Variants in TMEM120A observed in about 807,000 individuals in gnomAD.
The protein encoded by TMEM120A is transmembrane protein 120A.
TMEM120A carries 45 observed loss-of-function variants against 54.3 expected under a neutral mutation model. The ratio of observed to expected loss-of-function variants is 0.83; its 90% CI spans 0.65 to 1.06. TMEM120A has a LOEUF of 1.06. Among genes scored for constraint, TMEM120A ranks in the 50% least tolerant of loss-of-function variants. TMEM120A has a pLI of 0.00. For missense variants in TMEM120A, 424 were observed against 441.7 expected (o/e 0.96, Z 0.36); for synonymous variants, 204 against 178.5 (o/e 1.14, Z -1.14).
rs782036392 is a variant in TMEM120A at position 75,992,282 on chromosome 7, G to A, written c.201-22C>T. ...GCATCTGCGGGTAAGGCCAGAAACA[G>A]TCAGGGCAAGAGGACTCCCAAGTGT... On this transcript the variant is annotated intron_variant, in intron 2 of 11. Transcript: ENST00000493111. The A allele has an allele frequency of 3.1e-5, 49 of 1,591,700 alleles. No individual in the cohort carries two copies. In the East Asian group the frequency reaches 6.7e-4, roughly 22 times the overall value.
At position 75,990,498 on chromosome 7, in the gene TMEM120A, C is replaced by T. The variant is rs1789798422; in HGVS notation, c.318-1274G>A. ...CGAGTCTTCCCAGAGGCAAAGTAACCCCACAAACAGGCAGTAGCTGCCCCT... is the reference window on the plus strand; with the variant it reads ...CGAGTCTTCCCAGAGGCAAAGTAACTCCACAAACAGGCAGTAGCTGCCCCT... On this transcript the variant is annotated intron_variant, in intron 3 of 11. Transcript: ENST00000493111. Among the ~76,000 whole-genome samples the T allele has an allele frequency of 4.6e-5, 7 of 152,222 alleles. No individual in the cohort carries two copies. The South Asian group carries it at 1.5e-3, about 32-fold the overall frequency.
At chr7:75,991,493 C>T (rs782798866) in intron 3 of TMEM120A, among the ~76,000 whole-genome samples, 4 of 152,174 alleles carry the variant, frequency 2.6e-5, no homozygotes, top group Non-Finnish European at 5.9e-5. Context: ...GCAGCCTCCG[C>T]CTCCCGGGTT....
chr7:75,990,825 G>A (rs913825914), intron 3 of TMEM120A, among the ~76,000 whole-genome samples: 4 of 150,406 alleles, frequency 2.7e-5, no homozygotes, highest in African/African-American at 9.8e-5. Context: ...CTTGAACCAC[G>A]GAGACAGAGG....
chr7:75,989,033 G>GT, intron 4 of TMEM120A, 132 bp downstream of exon 4: 1 of 129,750 alleles, frequency 7.7e-6, no homozygotes, highest in Non-Finnish European at 1.9e-5. Flanking sequence ...GGAAGGCCGG[G>GT]TTGGGGGGTG....
chr7:75,989,191 G>C lies in TMEM120A; in HGVS notation c.351C>G (p.Asn117Lys). The C allele has an allele frequency of 6.4e-7, 1 of 1,563,526 alleles. No individual in the cohort carries two copies. Among genetic ancestry groups the C allele is most frequent in the Non-Finnish European group, 8.7e-7 (1 of 1,155,514 alleles). The change falls in exon 4 of 12, where the codon AAC (asparagine) becomes AAG (lysine). Residue 117 changes from asparagine to lysine, a missense_variant. Physicochemically the swap from Asn to Lys is moderately conservative, Grantham distance 94. Transcript: ENST00000493111. ...TAGCCTGCTTGCTCAGGAGCGTGAC[G>C]TTGACGTTCCCCAGAACCAGGCTCA... Reference protein sequence around the residue: ...LYLSLVLGNVNVTLLSKQAKF... With the variant: ...LYLSLVLGNVKVTLLSKQAKF...
Position 75,993,526 on chromosome 7 carries a change from G to A in TMEM120A, c.81+964C>T, listed in dbSNP as rs976464484. On this transcript the variant is annotated intron_variant, in intron 1 of 11. Coordinates refer to ENST00000493111, the MANE Select transcript of TMEM120A (RefSeq NM_031925.3). ...GTGGCCAGGACAGCGGCGGCCAGGC[G>A]GGGAGACTGGGTCTGCTCAGTCTCT... 3.9e-5 allele frequency among the ~76,000 whole-genome samples: 6 copies of A among 152,270 alleles called. No individual in the cohort carries two copies. The East Asian group carries it at 5.8e-4, about 15-fold the overall frequency.
chr7:75,987,334 C>G (rs782466424), intron 11 of TMEM120A, 26 bp downstream of exon 11: 2 of 1,564,300 alleles, frequency 1.3e-6, no homozygotes, highest in East Asian at 2.4e-5. Flanking sequence ...GCCCCCCATC[C>G]ATCCTGTCCA....
At position 75,987,813 on chromosome 7, in the gene TMEM120A, G is replaced by A. The variant is rs1554560348; in HGVS notation, c.692-3C>T. On this transcript the variant is annotated splice_region_variant and splice_polypyrimidine_tract_variant and intron_variant, in intron 8 of 11. Transcript: ENST00000493111. ...GTACTGGAGAAACTGCACGAAGCCT[G>A]GGCCGGGCGGAGGACAGAGGAGCAG... The A allele has an allele frequency of 2.5e-6, 4 of 1,611,068 alleles. No individual in the cohort carries two copies. The highest frequency in any genetic ancestry group is 4.5e-5 in the East Asian group (2 of 44,850).
Position 75,987,178 on chromosome 7 carries a change from C to G in TMEM120A, c.1026G>C (p.Lys342Asn), listed in dbSNP as rs782149082. ...KFHSQRHGSK[K>N]D Reference sequence around the variant, plus strand: ...GGCAGGGGAAGGCCCAGCCTCAATCCTTCTTGCTCCCGTGCCGCTGACTGT... The same window carrying G: ...GGCAGGGGAAGGCCCAGCCTCAATCGTTCTTGCTCCCGTGCCGCTGACTGT... Residue 342 changes from lysine (K) to asparagine (N), a missense_variant, in exon 12 of 12, where the codon AAG (lysine) becomes AAC (asparagine). By Grantham distance (94) the Lys-to-Asn change is moderately conservative. Transcript: ENST00000493111. 1 of 1,599,052 alleles carries G rather than the reference C, an allele frequency of 6.3e-7. No individual in the cohort carries two copies. The highest frequency in any genetic ancestry group is 1.1e-5 in the South Asian group (1 of 88,488).
chr7:75,994,352 G>A (rs1031250979), intron 1 of TMEM120A, 138 bp downstream of exon 1: 3 of 709,834 alleles, frequency 4.2e-6, no homozygotes, highest in East Asian at 3.1e-5. Context: ...CAGGGGCCTC[G>A]CCCCCCTTGG....
At chr7:75,990,744 C>A (rs782415033) in intron 3 of TMEM120A, among the ~76,000 whole-genome samples, 2 of 151,558 alleles carry the variant, frequency 1.3e-5, no homozygotes, top group Non-Finnish European at 2.9e-5. Flanking sequence ...TACAAAAATA[C>A]AAAAATTAGC....
chr7:75,988,545 G>C (rs781995342), intron 4 of TMEM120A, 29 bp from the exon 5 acceptor site: 135 of 1,556,796 alleles, frequency 8.7e-5, no homozygotes, highest in Middle Eastern at 8.5e-4. Context: ...TGAGACGGGT[G>C]GGGTGCTGGT....
chr7:75,988,452 AGATGAG>A lies in TMEM120A; in HGVS notation c.436_441del (p.Leu146_Ile147del), dbSNP rs781791508. The A allele has an allele frequency of 1.2e-6, 2 of 1,610,656 alleles. No individual in the cohort carries two copies. Among genetic ancestry groups the A allele is most frequent in the Non-Finnish European group, 1.7e-6 (2 of 1,179,480 alleles). ...TTGAGCAGGAAGCGGCAAGTGAAGG[AGATGAG>A]GATGAGGATGATGGTGAGGTAGAGC... On this transcript the variant is annotated inframe_deletion, in exon 5 of 12. Coordinates refer to ENST00000493111, the MANE Select transcript of TMEM120A (RefSeq NM_031925.3).
chr7:75,987,766 A>G lies in TMEM120A; in HGVS notation c.736T>C (p.Tyr246His), dbSNP rs781853213. 1 of 1,612,012 alleles carries G rather than the reference A, an allele frequency of 6.2e-7. No individual in the cohort carries two copies. Among genetic ancestry groups the G allele is most frequent in the South Asian group, 1.1e-5 (1 of 91,040 alleles). The change falls in exon 9 of 12, where the codon TAC becomes CAC. Residue 246 changes from tyrosine (Y) to histidine (H), a missense_variant. Transcript: ENST00000493111. ...CGCTCGCCCAGCGCCCGCAGGCGGTAGAGGCAGCCGCTCTGGTAGTAGTAC... is the reference window on the plus strand; with the variant it reads ...CGCTCGCCCAGCGCCCGCAGGCGGTGGAGGCAGCCGCTCTGGTAGTAGTAC... ...LQYYYQSGCLYRLRALGERHT... is the reference protein window; with the variant it reads ...LQYYYQSGCLHRLRALGERHT...
intron 2 of TMEM120A, 35 bp from the exon 3 acceptor site, chr7:75,992,295 G>A (rs1789873621): frequency 1.3e-6 from 2 of 1,577,284 alleles, no homozygotes; most frequent in South Asian, 1.1e-5. Flanking sequence ...AGGGCAAGAG[G>A]ACTCCCAAGT....
chr7:75,989,839 G>A (rs1463025906), intron 3 of TMEM120A, among the ~76,000 whole-genome samples: 5 of 151,668 alleles, frequency 3.3e-5, no homozygotes, highest in African/African-American at 1.2e-4. Flanking sequence ...CAGGCCACCC[G>A]CCAATTACAC....
intron 3 of TMEM120A, among the ~76,000 whole-genome samples, chr7:75,990,387 C>T (rs535421674): frequency 6.6e-6 from 1 of 152,272 alleles, no homozygotes; most frequent in East Asian, 1.9e-4. Context: ...GCCCTTCTCG[C>T]TCTCCCCAGG....
In TMEM120A at chr7:75,994,556, G is replaced by C. The variant is rs782178035; in HGVS notation, c.15C>G (p.Pro5=). The stretch of plus-strand genomic sequence containing the variant: ...GCAGGCAGTCGCCCAGCGGGCCCGG[G>C]GGCGGGGGCTGCATGGCTGCAGCGC... MQPP[P]PGPLGDCLRD... is the part of the protein sequence containing the mutation. The change falls in exon 1 of 12, where the codon CCC becomes CCG. Residue 5 remains proline, a synonymous_variant. Coordinates refer to ENST00000493111, the MANE Select transcript of TMEM120A (RefSeq NM_031925.3). The C allele has an allele frequency of 1.3e-6, 2 of 1,550,908 alleles. No homozygotes were observed. Among genetic ancestry groups the C allele is most frequent in the Admixed American group, 3.9e-5 (2 of 51,468 alleles).
intron 1 of TMEM120A, among the ~76,000 whole-genome samples, chr7:75,993,040 GA>G (rs1234715597): frequency 6.6e-6 from 1 of 152,176 alleles, no homozygotes; most frequent in African/African-American, 2.4e-5. Flanking sequence ...GACCTCAGGT[GA>G]TCTGCCTGCC....
Sources: allele counts gnomAD v4.1 joint callset (sites outside exome capture counted in the v4.1 genomes callset), GRCh38; gene constraint gnomAD v4.1.1; transcripts MANE v1.5; gene names NCBI Gene and HGNC (gene_info 2026-07-23, HGNC 2026-07-21).